ELFN1: variants seen among roughly 807,000 people sequenced by gnomAD.
ELFN1 encodes extracellular leucine rich repeat and fibronectin type III domain containing 1.
ELFN1 carries 6 observed loss-of-function variants against 7.6 expected under a neutral mutation model. The ratio of observed to expected loss-of-function variants is 0.79; its 90% confidence interval spans 0.43 to 1.56. ELFN1 has a LOEUF of 1.56. Among genes scored for constraint, ELFN1 ranks in the 40% most tolerant of loss-of-function variants. The pLI, the probability that ELFN1 is intolerant of heterozygous loss-of-function variation, is 0.01. For synonymous variants in ELFN1, 657 were observed against 588.1 expected, an observed-to-expected ratio of 1.12 and a Z score of -1.70; for missense variants, 1,169 against 1,232.2, an observed-to-expected ratio of 0.95 and a Z score of 0.77.
At chr7:1,682,080 T>A (rs899847349) in intron 1 of ELFN1, among the ~76,000 whole-genome samples, 3 of 152,222 alleles carry the variant, frequency 2.0e-5, no homozygotes, top group African/African-American at 7.2e-5. Context: ...CTTAATGGTA[T>A]CTTTTTGGAG....
rs1429963827 is a variant in ELFN1, at chr7:1,745,553, C to A, written c.957C>A (p.Ile319=). 1 of 1,549,622 alleles carries A rather than the reference C, an allele frequency of 6.5e-7. No individual in the cohort carries two copies. Among genetic ancestry groups the A allele is most frequent in the Non-Finnish European group, 8.7e-7 (1 of 1,146,928 alleles). Residue 319 remains isoleucine (I), a synonymous_variant, in exon 4 of 4, where the codon ATC becomes ATA. Coordinates refer to ENST00000424383, the MANE Select transcript of ELFN1 (RefSeq NM_001128636.4). ...CGCAGGCCGAGGCCCGCCCCCTCAT[C>A]AAGGTCAAGCAGCTCACTCAGAACT... ...LATQAEARPL[I]KVKQLTQNSA... is the part of the protein sequence containing the mutation.
At position 1,746,547 on chromosome 7, in the gene ELFN1, G is replaced by T; in HGVS notation, c.1951G>T (p.Ala651Ser). The change falls in exon 4 of 4, where the codon GCC becomes TCC. Residue 651 changes from alanine to serine, a missense_variant. By Grantham distance (99) the Ala-to-Ser change is moderately conservative. Around this residue, in one of 2 missense-constraint regions of ELFN1, gnomAD observed 914 missense variants for 872.6 expected, o/e 1.05. Transcript: ENST00000424383. ...CAGCGGCTCCGTGCGCAGCCCCCGC[G>T]CCTTCCGAGCCGAGGCCGTCGGGGT... ...SSSGSVRSPR[A>S]FRAEAVGVHK... 1 of 1,375,466 alleles carries T rather than the reference G, an allele frequency of 7.3e-7. No individual in the cohort carries two copies. Among genetic ancestry groups the T allele is most frequent in the Middle Eastern group, 2.2e-4 (1 of 4,584 alleles). 85.2% of individuals were successfully genotyped at this position (1,375,466 alleles called of 1,614,324 possible).
intron 2 of ELFN1, among the ~76,000 whole-genome samples, chr7:1,703,955 G>A (rs568455548): frequency 1.3e-5 from 2 of 152,192 alleles, no homozygotes; most frequent in Non-Finnish European, 2.9e-5. Flanking sequence ...GGGCCGGGAG[G>A]GCTCAGTACA....
chr7:1,690,040 A>T (rs920537633), intron 2 of ELFN1, among the ~76,000 whole-genome samples: 2 of 152,320 alleles, frequency 1.3e-5, no homozygotes, highest in Non-Finnish European at 2.9e-5. Flanking sequence ...CATATGCATC[A>T]TCAGATGGAG....
intron 3 of ELFN1, among the ~76,000 whole-genome samples, chr7:1,714,211 A>T (rs1779757875): frequency 6.6e-6 from 1 of 152,158 alleles, no homozygotes; most frequent in Admixed American, 6.5e-5. Flanking sequence ...CCCAAGGGAA[A>T]CCCATCGCCT....
intron 1 of ELFN1, among the ~76,000 whole-genome samples, chr7:1,677,454 G>T (rs1778892835): frequency 6.6e-6 from 1 of 152,210 alleles, no homozygotes; most frequent in African/African-American, 2.4e-5. Context: ...ATGGGAGCAG[G>T]CACGCATGTT....
chr7:1,672,780 G>A (rs1375132588), intron 1 of ELFN1, among the ~76,000 whole-genome samples: 4 of 151,874 alleles, frequency 2.6e-5, no homozygotes, highest in African/African-American at 4.8e-5. Context: ...GTGTTTCTCC[G>A]TGCCAGACTC....
intron 2 of ELFN1, among the ~76,000 whole-genome samples, chr7:1,697,826 C>T (rs1241693881): frequency 2.0e-5 from 3 of 152,144 alleles, no homozygotes; most frequent in African/African-American, 7.2e-5. Context: ...TCTCTTTCGC[C>T]CAGGCTGGAG....
chr7:1,716,306 C>T (rs2128590407), intron 3 of ELFN1, among the ~76,000 whole-genome samples: 1 of 152,328 alleles, frequency 6.6e-6, no homozygotes, highest in South Asian at 2.1e-4. Context: ...GTGTTGTGTG[C>T]TGTGGAGGCC....
At chr7:1,681,676 A>G (rs1562357690) in intron 1 of ELFN1, among the ~76,000 whole-genome samples, 1 of 152,158 alleles carries the variant, frequency 6.6e-6, no homozygotes, top group African/African-American at 2.4e-5. Context: ...AAGCTGCCCA[A>G]CAGTTTTCCA....
At chr7:1,692,800 T>C (rs1779198447) in intron 2 of ELFN1, 1 of 159,028 alleles carries the variant, frequency 6.3e-6, no homozygotes, top group Admixed American at 5.8e-5. Flanking sequence ...TCTATTAATA[T>C]TTCCTTCATC....
At chr7:1,741,061 C>CAG (rs1780596018) in intron 3 of ELFN1, among the ~76,000 whole-genome samples, 1 of 145,006 alleles carries the variant, frequency 6.9e-6, no homozygotes. Flanking sequence ...ACCCAGGAGG[C>CAG]AGAGGTTGCA....
At chr7:1,737,826 A>C (rs548560002) in intron 3 of ELFN1, among the ~76,000 whole-genome samples, 1 of 152,266 alleles carries the variant, frequency 6.6e-6, no homozygotes, top group East Asian at 1.9e-4. Flanking sequence ...AGAGCCGAGC[A>C]CATTTCCAGG....
At chr7:1,729,445 A>G (rs749677778) in intron 3 of ELFN1, among the ~76,000 whole-genome samples, 3 of 151,946 alleles carry the variant, frequency 2.0e-5, no homozygotes, top group Admixed American at 6.6e-5. Context: ...CTAGCCTCTC[A>G]GTCTCGATGG....
At chr7:1,743,865 C>T (rs550606893) in intron 3 of ELFN1, among the ~76,000 whole-genome samples, 2 of 152,304 alleles carry the variant, frequency 1.3e-5, no homozygotes, top group South Asian at 2.1e-4. Flanking sequence ...AGCCAGCCGG[C>T]GGAAGCCCAG....
At position 1,695,128 on chromosome 7, in the gene ELFN1, T is replaced by A. The variant is rs1779273385; in HGVS notation, c.-456+6978T>A. 6.6e-6 allele frequency among the ~76,000 whole-genome samples: 1 copy of A among 152,200 alleles called. No homozygotes were observed. Among genetic ancestry groups the A allele is most frequent in the Non-Finnish European group, 1.5e-5 (1 of 68,034 alleles). On this transcript the variant is annotated intron_variant, in intron 2 of 3. Coordinates refer to ENST00000424383, the MANE Select transcript of ELFN1 (RefSeq NM_001128636.4). The surrounding 1 kb of genome is among the most constrained non-coding windows in gnomAD (Gnocchi z 5.1). The stretch of plus-strand genomic sequence containing the variant: ...GCAGCAGACGTGGCCGACAGGCACA[T>A]GGTGGGACCTGCTCTGTGGCTCCAG...
chr7:1,714,161 C>T (rs1311054084), intron 3 of ELFN1, among the ~76,000 whole-genome samples: 7 of 152,220 alleles, frequency 4.6e-5, no homozygotes, highest in Admixed American at 4.6e-4. Flanking sequence ...AGTTGACCAG[C>T]CTACGCCTCT....
Position 1,735,545 on chromosome 7 carries a change from T to C in ELFN1, c.-293-8759T>C, listed in dbSNP as rs1219310068. Reference sequence around the variant, plus strand: ...GAGTCAGCCCTCCCAGCCCTGGCCTTGCCTGCAACCCCCGCCAGCCTCCCC... The same window carrying C: ...GAGTCAGCCCTCCCAGCCCTGGCCTCGCCTGCAACCCCCGCCAGCCTCCCC... On this transcript the variant is annotated intron_variant, in intron 3 of 3. Transcript: ENST00000424383. This position sits in a 1 kb window ranked among gnomAD's most constrained non-coding sequence, Gnocchi z 5.9. Among the ~76,000 whole-genome samples the C allele has an allele frequency of 6.6e-6, 1 of 151,828 alleles. No homozygotes were observed. Among genetic ancestry groups the C allele is most frequent in the Non-Finnish European group, 1.5e-5 (1 of 67,924 alleles).
intron 2 of ELFN1, among the ~76,000 whole-genome samples, chr7:1,707,532 G>C (rs1257979437): frequency 6.6e-6 from 1 of 152,240 alleles, no homozygotes; most frequent in Non-Finnish European, 1.5e-5. Context: ...GCAGGACCAA[G>C]CAAAGGAAGC....
Sources: allele counts gnomAD v4.1 joint callset (sites outside exome capture counted in the v4.1 genomes callset), GRCh38; gene constraint gnomAD v4.1.1; regional missense constraint gnomAD v4.1.1; non-coding constraint Gnocchi (gnomAD v3.1); transcripts MANE v1.5; gene names NCBI Gene and HGNC (gene_info 2026-07-23, HGNC 2026-07-21).